SPAG16: variants seen among roughly 807,000 people sequenced by gnomAD.
SPAG16 encodes the protein sperm associated antigen 16.
Under a neutral mutation model 80.4 loss-of-function variants are expected in SPAG16, and 86 were observed. The ratio of observed to expected loss-of-function variants is 1.07; its 90% confidence interval spans 0.90 to 1.28. The LOEUF (loss-of-function observed/expected upper bound fraction) is 1.28, where lower values mean the gene tolerates loss of function less well. Ranked by LOEUF, SPAG16 falls within the 50% of genes most tolerant of loss-of-function variation. The pLI is 0.00. For missense variants in SPAG16, 870 were observed against 765.3 expected (o/e 1.14, Z -1.61); for synonymous variants, 294 against 265.9 (o/e 1.11, Z -1.03).
In SPAG16 at chr2:213,769,843, T is replaced by A. The variant is rs543350353; in HGVS notation, c.1071-92642T>A. Among the ~76,000 whole-genome samples the A allele has an allele frequency of 1.4e-4, 21 of 152,284 alleles. 1 individual carries two copies. The Middle Eastern group carries it at 0.01, about 74-fold the overall frequency. Reference sequence around the variant, plus strand: ...AGTTTGATCATCTTTAACAAATTCATATACCCATCAAACCCCTATCAAGAC... The same window carrying A: ...AGTTTGATCATCTTTAACAAATTCAAATACCCATCAAACCCCTATCAAGAC... On this transcript the variant is annotated intron_variant, in intron 10 of 15. Transcript: ENST00000331683.
intron 10 of SPAG16, among the ~76,000 whole-genome samples, chr2:213,627,861 C>T (rs1487987758): frequency 6.6e-6 from 1 of 152,228 alleles, no homozygotes; most frequent in Admixed American, 6.5e-5. Context: ...AGCTATCATA[C>T]CACAAAATAG....
At chr2:213,431,443 A>C (rs2070291269) in intron 9 of SPAG16, among the ~76,000 whole-genome samples, 1 of 152,060 alleles carries the variant, frequency 6.6e-6, no homozygotes, top group Non-Finnish European at 1.5e-5. Context: ...GAGCAGAGGC[A>C]AGCAGGAGTA....
chr2:213,517,723 A>G (rs1295627293), intron 10 of SPAG16, among the ~76,000 whole-genome samples: 3 of 152,194 alleles, frequency 2.0e-5, no homozygotes, highest in African/African-American at 7.2e-5. Context: ...CTGTTCAATA[A>G]ATAGTGCTGG....
At chr2:213,668,175 G>A (rs894051358) in intron 10 of SPAG16, among the ~76,000 whole-genome samples, 73 of 151,946 alleles carry the variant, frequency 4.8e-4, no homozygotes, top group African/African-American at 1.5e-3. Flanking sequence ...CTGACCTCAG[G>A]TGATCCACCC....
intron 11 of SPAG16, among the ~76,000 whole-genome samples, chr2:213,875,636 A>C (rs566031644): frequency 3.3e-5 from 5 of 152,304 alleles, no homozygotes; most frequent in African/African-American, 1.2e-4. Context: ...AAAAGGGACC[A>C]GACTCTGCGG....
intron 15 of SPAG16, among the ~76,000 whole-genome samples, chr2:214,233,789 G>A (rs181699474): frequency 5.3e-4 from 80 of 152,042 alleles, no homozygotes; most frequent in Non-Finnish European, 1.0e-3. Context: ...TGTACATGAG[G>A]ATGTAAAAAA....
intron 15 of SPAG16, among the ~76,000 whole-genome samples, chr2:214,177,965 G>A (rs2057165430): frequency 7.1e-5 from 2 of 28,354 alleles, no homozygotes; most frequent in African/African-American, 1.2e-4. Flanking sequence ...ACTTCACAAA[G>A]TGTATGTATA....
chr2:214,107,035 T>A (rs777630827), intron 13 of SPAG16, among the ~76,000 whole-genome samples: 7 of 152,162 alleles, frequency 4.6e-5, no homozygotes, highest in Non-Finnish European at 1.0e-4. Context: ...GCTAACTCCC[T>A]TACTATACTT....
At chr2:213,341,472 A>T (rs1289465069) in intron 6 of SPAG16, among the ~76,000 whole-genome samples, 1 of 151,952 alleles carries the variant, frequency 6.6e-6, no homozygotes, top group Non-Finnish European at 1.5e-5. Context: ...TGTTTACCTT[A>T]TTTTTCTGTA....
At chr2:214,206,248 C>T (rs1213983908) in intron 15 of SPAG16, among the ~76,000 whole-genome samples, 2 of 151,968 alleles carry the variant, frequency 1.3e-5, no homozygotes, top group Non-Finnish European at 2.9e-5. Context: ...TATTTTTGTA[C>T]CCATTAACCA....
intron 13 of SPAG16, among the ~76,000 whole-genome samples, chr2:214,051,746 A>C (rs1342720280): frequency 1.3e-5 from 2 of 152,220 alleles, no homozygotes; most frequent in Non-Finnish European, 2.9e-5. Context: ...TACCCATGAG[A>C]AATCTGCCTT....
chr2:213,602,494 C>T (rs759408164), intron 10 of SPAG16, among the ~76,000 whole-genome samples: 17 of 152,042 alleles, frequency 1.1e-4, no homozygotes, highest in Admixed American at 8.5e-4. Flanking sequence ...ATTAGCCGGG[C>T]GTGGTGGTGC....
intron 7 of SPAG16, among the ~76,000 whole-genome samples, chr2:213,361,067 T>A (rs1285457106): frequency 1.3e-5 from 2 of 152,080 alleles, no homozygotes; most frequent in African/African-American, 4.8e-5. Context: ...TTATCTAGTT[T>A]GCATATGAAA....
At chr2:214,326,694 C>T (rs1696507410) in intron 15 of SPAG16, among the ~76,000 whole-genome samples, 1 of 152,052 alleles carries the variant, frequency 6.6e-6, no homozygotes, top group Admixed American at 6.6e-5. Flanking sequence ...GCCTGTAATC[C>T]TAGCACTTTG....
intron 10 of SPAG16, among the ~76,000 whole-genome samples, chr2:213,697,384 G>T (rs180770050): frequency 6.6e-6 from 1 of 152,264 alleles, no homozygotes; most frequent in Non-Finnish European, 1.5e-5. Flanking sequence ...AAATAGAATT[G>T]CTGTGCATCT....
intron 9 of SPAG16, among the ~76,000 whole-genome samples, chr2:213,415,062 C>T (rs1358361992): frequency 1.3e-5 from 2 of 152,218 alleles, no homozygotes; most frequent in African/African-American, 4.8e-5. Context: ...CCAGGTCCCT[C>T]CCACAACACG....
At chr2:213,853,611 C>G (rs922798858) in intron 10 of SPAG16, among the ~76,000 whole-genome samples, 1 of 152,104 alleles carries the variant, frequency 6.6e-6, no homozygotes, top group Non-Finnish European at 1.5e-5. Context: ...TGTTCCTGTA[C>G]GATTTTCACC....
At chr2:213,807,170 A>G (rs1235717453) in intron 10 of SPAG16, among the ~76,000 whole-genome samples, 1 of 152,188 alleles carries the variant, frequency 6.6e-6, no homozygotes, top group East Asian at 1.9e-4. Context: ...ATTATGTGAC[A>G]AAGATTACTG....
intron 15 of SPAG16, among the ~76,000 whole-genome samples, chr2:214,168,076 G>A (rs750194697): frequency 4.1e-5 from 6 of 145,292 alleles, no homozygotes; most frequent in African/African-American, 1.3e-4. Context: ...CTGCAACTCC[G>A]TCTCCCGAGG....
Sources: gnomAD v4.1 joint callset for allele counts (sites outside exome capture counted in the v4.1 genomes callset) on GRCh38, gnomAD v4.1.1 for gene constraint, MANE v1.5 for transcripts, NCBI Gene and HGNC (gene_info 2026-07-23, HGNC 2026-07-21) for gene names.